PDE2A: variants seen among roughly 807,000 people sequenced by gnomAD.
PDE2A encodes the protein cGMP-dependent 3',5'-cyclic phosphodiesterase.
In PDE2A, 53 loss-of-function variants were observed where a neutral mutation model predicts 133.6. The observed-to-expected ratio is 0.40, with a 90% CI of 0.32 to 0.50. The LOEUF (loss-of-function observed/expected upper bound fraction) is 0.50. PDE2A is among the 20% of genes least tolerant of loss of function. The pLI is 0.73. For missense variants in PDE2A, 796 were observed against 1,232.4 expected (o/e 0.65, Z 5.30); for synonymous variants, 491 against 490.2 (o/e 1.00, Z -0.02).
chr11:72,616,494 G>A (rs750762684), intron 2 of PDE2A, among the ~76,000 whole-genome samples: 1 of 152,212 alleles, frequency 6.6e-6, no homozygotes, highest in Non-Finnish European at 1.5e-5. Context: ...TTGCTGAGCT[G>A]TAAATGACTG....
rs181125949 is a variant in PDE2A at position 72,590,291 on chromosome 11, C to T, written c.704-47G>A. On this transcript the variant is annotated intron_variant, in intron 8 of 30. Transcript: ENST00000334456. The surrounding 1 kb of genome is among the most constrained non-coding windows in gnomAD (Gnocchi z 4.8). ...CAGAGAGAGGGCCCCTCCGCACCTC[C>T]GTGTCCGGGTCCCTCAGGCGCCGCT... The T allele has an allele frequency of 6.5e-7, 1 of 1,543,910 alleles. No homozygotes were observed. The highest frequency in any genetic ancestry group is 1.2e-5 in the South Asian group (1 of 83,892).
chr11:72,668,238 A>G lies in PDE2A; in HGVS notation c.71+5899T>C, dbSNP rs1421916973. The G allele has an allele frequency of 4.2e-6, 3 of 717,192 alleles. No individual in the cohort carries two copies. In the Admixed American group the frequency reaches 6.0e-5, roughly 14 times the overall value. 44.4% of individuals were successfully genotyped at this position (717,192 alleles called of 1,614,324 possible). On this transcript the variant is annotated intron_variant, in intron 1 of 30. Coordinates refer to ENST00000334456, the MANE Select transcript of PDE2A (RefSeq NM_002599.5). ...ATCTGGAACAGTAATGTATGGAAAG[A>G]GCAGGAGCTCTGGAAGCAGACAGAT...
At chr11:72,581,512 C>T (rs765101340) in intron 22 of PDE2A, 33 bp from the exon 23 acceptor site, 18 of 1,565,594 alleles carry the variant, frequency 1.1e-5, no homozygotes, top group Non-Finnish European at 1.1e-5. Context: ...AGAGGGGCCT[C>T]AGCCTCTCCT....
intron 1 of PDE2A, among the ~76,000 whole-genome samples, chr11:72,656,160 G>A (rs1186502333): frequency 6.6e-6 from 1 of 152,210 alleles, no homozygotes; most frequent in African/African-American, 2.4e-5. Context: ...GGAGAGCCAC[G>A]AGGGGGGCCA....
At chr11:72,672,807 C>A (rs1169718544) in intron 1 of PDE2A, among the ~76,000 whole-genome samples, 1 of 150,618 alleles carries the variant, frequency 6.6e-6, no homozygotes, top group Non-Finnish European at 1.5e-5. Context: ...TTGCCTATTT[C>A]TTTTCTGCAT....
At chr11:72,631,768 CAG>C in intron 2 of PDE2A, among the ~76,000 whole-genome samples, 1 of 152,212 alleles carries the variant, frequency 6.6e-6, no homozygotes, top group African/African-American at 2.4e-5. Flanking sequence ...GGAGACACAA[CAG>C]AGACCTGCTC....
chr11:72,641,485 T>G (rs183607619), intron 2 of PDE2A, among the ~76,000 whole-genome samples: 1 of 152,090 alleles, frequency 6.6e-6, no homozygotes, highest in Admixed American at 6.5e-5. Flanking sequence ...GAGACCAAGA[T>G]AGACCAAGAG....
At chr11:72,673,672 T>C (rs574544485) in intron 1 of PDE2A, among the ~76,000 whole-genome samples, 2 of 152,056 alleles carry the variant, frequency 1.3e-5, no homozygotes, top group South Asian at 2.1e-4. Flanking sequence ...GCCACTCTTA[T>C]TCATATTTTC....
At chr11:72,585,523 C>T (rs1855928174) in intron 15 of PDE2A, 31 bp downstream of exon 15, 2 of 1,613,744 alleles carry the variant, frequency 1.2e-6, no homozygotes, top group African/African-American at 1.3e-5. Flanking sequence ...CATGCCCACA[C>T]ACAGCCAGGC....
chr11:72,636,045 T>G (rs1179366622), intron 2 of PDE2A: 12 of 1,273,782 alleles, frequency 9.4e-6, no homozygotes, highest in Non-Finnish European at 1.2e-5. Flanking sequence ...GAGGCAACCG[T>G]GGATGGGAGG....
intron 2 of PDE2A, among the ~76,000 whole-genome samples, chr11:72,632,775 C>G (rs964954287): frequency 6.0e-4 from 92 of 152,206 alleles, no homozygotes; most frequent in African/African-American, 2.0e-3. Flanking sequence ...CCAGCTCCCC[C>G]CTCACACCTC....
At chr11:72,614,557 C>A (rs1224510176) in intron 2 of PDE2A, among the ~76,000 whole-genome samples, 1 of 152,140 alleles carries the variant, frequency 6.6e-6, no homozygotes, top group Admixed American at 6.5e-5. Context: ...GATTGCTGGC[C>A]CCACCCCCAG....
intron 3 of PDE2A, among the ~76,000 whole-genome samples, chr11:72,606,727 G>C (rs942096339): frequency 6.6e-6 from 1 of 152,164 alleles, no homozygotes; most frequent in Non-Finnish European, 1.5e-5. Context: ...GAGTTATTTG[G>C]CCCAAAGAGG....
intron 2 of PDE2A, among the ~76,000 whole-genome samples, chr11:72,620,922 C>A (rs565052256): frequency 2.0e-5 from 3 of 151,912 alleles, no homozygotes; most frequent in South Asian, 2.1e-4. Flanking sequence ...ACTCAGCGCA[C>A]CTTCACTGTG....
At chr11:72,628,006 C>T (rs1337600080) in intron 2 of PDE2A, among the ~76,000 whole-genome samples, 9 of 152,246 alleles carry the variant, frequency 5.9e-5, no homozygotes, top group African/African-American at 9.6e-5. Flanking sequence ...GCTGAACACA[C>T]GCCTGCTGGG....
rs1165695469 is a variant in PDE2A, at chr11:72,620,482, G to A, written c.145-11731C>T. ...CAGGGACCCTCCCAGGAACACAAGC[G>A]AACCCAGGAAGTCCAGACTCCTGTT... is the stretch of plus-strand genomic sequence containing the variant. On this transcript the variant is annotated intron_variant, in intron 2 of 30. Coordinates refer to ENST00000334456, the MANE Select transcript of PDE2A (RefSeq NM_002599.5). 3.3e-5 allele frequency among the ~76,000 whole-genome samples: 5 copies of A among 152,102 alleles called. No homozygotes were observed. In the East Asian group the frequency reaches 5.8e-4, roughly 18 times the overall value.
chr11:72,610,709 A>G (rs17162385), intron 2 of PDE2A, among the ~76,000 whole-genome samples: 1,535 of 152,266 alleles, frequency 0.01, 23 homozygotes, highest in African/African-American at 0.035. Context: ...AAATTGGATC[A>G]CTTGTCTTTT....
intron 1 of PDE2A, among the ~76,000 whole-genome samples, chr11:72,664,450 T>A (rs1205504333): frequency 7.4e-6 from 1 of 135,210 alleles, no homozygotes; most frequent in Non-Finnish European, 1.5e-5. Flanking sequence ...CTCGGCTCAC[T>A]GCAAGCTCCG....
chr11:72,643,144 C>T (rs2135439475), intron 1 of PDE2A: 1 of 152,438 alleles, frequency 6.6e-6, no homozygotes, highest in South Asian at 2.1e-4. Context: ...GAGCGCGTTT[C>T]TCCGCAGAGC....
Sources: allele counts gnomAD v4.1 joint callset (sites outside exome capture counted in the v4.1 genomes callset), GRCh38; gene constraint gnomAD v4.1.1; non-coding constraint Gnocchi (gnomAD v3.1); transcripts MANE v1.5; gene names NCBI Gene and HGNC (gene_info 2026-07-23, HGNC 2026-07-21).